CHRDL1: variants seen among roughly 807,000 people sequenced by gnomAD.
CHRDL1 encodes the protein chordin-like protein 1.
A neutral mutation model predicts 40.9 loss-of-function variants in CHRDL1; 19 were observed. The observed-to-expected ratio is 0.46, with a 90% confidence interval of 0.32 to 0.68. CHRDL1 has a LOEUF of 0.68. Ranked by LOEUF, CHRDL1 falls within the 30% of genes least tolerant of loss-of-function variation. CHRDL1 has a pLI of 0.03. For synonymous variants in CHRDL1, 136 were observed against 123.4 expected (o/e 1.10, Z -0.68); for missense variants, 329 against 352.1 (o/e 0.93, Z 0.53).
intron 11 of CHRDL1, 79 bp from the exon 12 acceptor site, chrX:110,676,440 C>T: frequency 1.1e-6 from 1 of 910,209 alleles, no homozygotes; most frequent in Non-Finnish European, 1.5e-6. Context: ...ACCAATATAC[C>T]CCATGCTTAC....
intron 2 of CHRDL1, among the ~76,000 whole-genome samples, chrX:110,764,588 A>G (rs760355933): frequency 1.8e-5 from 2 of 112,034 alleles, no homozygotes; most frequent in Admixed American, 9.5e-5. Context: ...AAATCAGTGC[A>G]TCTTGAAAAA....
At chrX:110,791,765 C>T (rs1431287686) in intron 2 of CHRDL1, among the ~76,000 whole-genome samples, 3 of 111,730 alleles carry the variant, frequency 2.7e-5, no homozygotes, top group Admixed American at 1.9e-4. Context: ...AATTCCAGCT[C>T]ATCTGTCAGA....
intron 7 of CHRDL1, among the ~76,000 whole-genome samples, chrX:110,699,816 C>T (rs1476201832): frequency 2.7e-5 from 3 of 112,251 alleles, no homozygotes; most frequent in Non-Finnish European, 5.6e-5. Context: ...ACACCAAGTC[C>T]CTAGTAGACA....
chrX:110,762,269 C>G (rs536013228), intron 3 of CHRDL1, among the ~76,000 whole-genome samples: 5 of 111,646 alleles, frequency 4.5e-5, no homozygotes, highest in African/African-American at 1.6e-4. Flanking sequence ...TTGCAATCGT[C>G]TTCTTACTTT....
intron 2 of CHRDL1, among the ~76,000 whole-genome samples, chrX:110,766,089 C>T (rs1279059365): frequency 7.2e-5 from 8 of 111,485 alleles, no homozygotes; most frequent in African/African-American, 1.6e-4. Flanking sequence ...AACCTGCTCC[C>T]GAATGAGCAT....
At chrX:110,745,725 T>C (rs1441050948) in intron 4 of CHRDL1, among the ~76,000 whole-genome samples, 1 of 111,999 alleles carries the variant, frequency 8.9e-6, no homozygotes, top group African/African-American at 3.2e-5. Flanking sequence ...CTCCACTAGA[T>C]TGTGAACTCG....
At chrX:110,726,933 T>C (rs746672992) in intron 4 of CHRDL1, among the ~76,000 whole-genome samples, 8 of 112,298 alleles carry the variant, frequency 7.1e-5, no homozygotes, top group East Asian at 2.8e-4. Context: ...CTGGCACTAA[T>C]AGATCCTTGA....
intron 4 of CHRDL1, among the ~76,000 whole-genome samples, chrX:110,730,707 T>C (rs2071143636): frequency 9.0e-6 from 1 of 110,887 alleles, no homozygotes; most frequent in Non-Finnish European, 1.9e-5. Flanking sequence ...CTCAGCCTCC[T>C]GAGGTGCTAG....
chrX:110,708,652 T>C (rs1237888047), intron 6 of CHRDL1, among the ~76,000 whole-genome samples: 1 of 111,260 alleles, frequency 9.0e-6, no homozygotes, highest in Admixed American at 9.6e-5. Context: ...TACAAAATTA[T>C]TTGTCCAGAA....
At chrX:110,722,055 T>G (rs1290556445) in intron 4 of CHRDL1, among the ~76,000 whole-genome samples, 1 of 111,849 alleles carries the variant, frequency 8.9e-6, no homozygotes, top group South Asian at 3.8e-4. Context: ...CTGGAGTGCA[T>G]GGTGCGAGCT....
chrX:110,707,647 G>A (rs764677954), intron 6 of CHRDL1, among the ~76,000 whole-genome samples: 15 of 111,875 alleles, frequency 1.3e-4, no homozygotes, highest in Non-Finnish European at 2.8e-4. Context: ...ATTAACTCAA[G>A]ATGGATTAAA....
chrX:110,689,097 T>C (rs868472318), intron 8 of CHRDL1, among the ~76,000 whole-genome samples: 3 of 84,790 alleles, frequency 3.5e-5, no homozygotes, highest in East Asian at 7.4e-4. Flanking sequence ...TATATATATA[T>C]ATATATATAT....
Position 110,792,186 on chromosome X carries a change from A to C in CHRDL1, c.-5T>G. ...CATTTTCCACTTTTTTCTCATTTGG[A>C]CCACTGCAAAAGGTGACAGAACCTT... is the stretch of plus-strand genomic sequence containing the variant. On this transcript the variant is annotated 5_prime_UTR_variant, in exon 2 of 12. Transcript: ENST00000372042. The C allele has an allele frequency of 9.1e-7, 1 of 1,099,607 alleles. No individual in the cohort carries two copies. The highest frequency in any genetic ancestry group is 1.3e-6 in the Non-Finnish European group (1 of 797,914). The allele number at this position is 1,099,607 out of a possible 1,213,427, so 90.6% of individuals were successfully genotyped here. A position where few individuals can be genotyped will look rare whatever the true frequency, so the allele number is the denominator to read the frequency against.
intron 4 of CHRDL1, among the ~76,000 whole-genome samples, chrX:110,735,764 A>G (rs191417580): frequency 7.1e-5 from 8 of 112,379 alleles, no homozygotes; most frequent in Admixed American, 4.7e-4. Flanking sequence ...TTTCCTGTAT[A>G]TGATGAGAAG....
chrX:110,740,714 A>G (rs2071344725), intron 4 of CHRDL1, among the ~76,000 whole-genome samples: 1 of 111,692 alleles, frequency 9.0e-6, no homozygotes, highest in Non-Finnish European at 1.9e-5. Flanking sequence ...CTCTTCCCCA[A>G]AAGAATGGAG....
In CHRDL1 at chrX:110,753,207, G is replaced by A. The variant is rs778437814; in HGVS notation, c.301+6454C>T. ...CGAAAGTGGTCTATGCATAATAATG[G>A]AAGATTATTCAGCCCTAAAAAGAAA... is the stretch of plus-strand genomic sequence containing the variant. On this transcript the variant is annotated intron_variant, in intron 4 of 11. Transcript: ENST00000372042. Among the ~76,000 whole-genome samples the A allele has an allele frequency of 4.5e-5, 5 of 112,027 alleles. No homozygotes were observed. In the South Asian group the frequency reaches 1.9e-3, roughly 42 times the overall value.
intron 11 of CHRDL1, among the ~76,000 whole-genome samples, 161 bp downstream of exon 11, chrX:110,679,175 T>C (rs2069842669): frequency 8.9e-6 from 1 of 112,296 alleles, no homozygotes; most frequent in Admixed American, 9.4e-5. Context: ...AGACACCCCA[T>C]TCACTGCTAA....
intron 6 of CHRDL1, among the ~76,000 whole-genome samples, chrX:110,703,906 G>C (rs1036228408): frequency 4.9e-4 from 55 of 111,533 alleles, no homozygotes; most frequent in African/African-American, 1.8e-3. Context: ...TGTGGCTTGA[G>C]TAGAAACTTC....
intron 6 of CHRDL1, among the ~76,000 whole-genome samples, chrX:110,714,553 T>C (rs1362439246): frequency 9.0e-6 from 1 of 111,500 alleles, no homozygotes; most frequent in African/African-American, 3.3e-5. Flanking sequence ...GTTTGCACTA[T>C]GCTTCCAGTC....
Sources: allele counts gnomAD v4.1 joint callset (sites outside exome capture counted in the v4.1 genomes callset), GRCh38; gene constraint gnomAD v4.1.1; transcripts MANE v1.5; gene names NCBI Gene and HGNC (gene_info 2026-07-23, HGNC 2026-07-21).